Variants in ABCA4 observed in about 807,000 individuals in gnomAD.
ABCA4 encodes ATP binding cassette subfamily A member 4.
Under a neutral mutation model 263.7 loss-of-function variants are expected in ABCA4, and 196 were observed. The observed-to-expected ratio is 0.74, with a 90% CI of 0.66 to 0.84. The LOEUF is 0.84. Among genes scored for constraint, ABCA4 ranks in the 40% least tolerant of loss-of-function variants. The probability of loss-of-function intolerance (pLI) is 0.00; values close to 1 mark genes in which losing one functional copy is unlikely to be tolerated. For synonymous variants in ABCA4, 1,133 were observed against 1,094.2 expected, an observed-to-expected ratio of 1.04 and a Z score of -0.70; for missense variants, 2,792 against 2,855.1, an observed-to-expected ratio of 0.98 and a Z score of 0.50.
Position 94,079,249 on chromosome 1 carries a change from TCACACACA to T in ABCA4, c.1239+65_1239+72del, listed in dbSNP as rs4147886. On this transcript the variant is annotated intron_variant, in intron 9 of 49. Transcript: ENST00000370225. ...GTGCTACCAGGAAGGCACATCTCTC[TCACACACA>T]CACACACACACACACACTTCTGGGA... 5.6e-6 allele frequency: 8 copies of T among 1,429,410 alleles called. No individual in the cohort carries two copies. The Admixed American group carries it at 7.2e-5, about 13-fold the overall frequency. The allele number at this position is 1,429,410 out of a possible 1,614,324, so 88.5% of individuals were successfully genotyped here.
intron 17 of ABCA4, among the ~76,000 whole-genome samples, chr1:94,050,517 C>T (rs1442914398): frequency 6.6e-6 from 1 of 152,176 alleles, no homozygotes; most frequent in Non-Finnish European, 1.5e-5. Flanking sequence ...CTTCCGTTGG[C>T]AAACATATTT....
chr1:94,018,193 G>A (rs995395890), intron 36 of ABCA4, among the ~76,000 whole-genome samples: 10 of 149,796 alleles, frequency 6.7e-5, no homozygotes, highest in East Asian at 1.9e-4. Context: ...GCGCACACGC[G>A]CGTGCGTGCA....
intron 38 of ABCA4, among the ~76,000 whole-genome samples, chr1:94,013,609 G>C (rs1054204535): frequency 6.6e-6 from 1 of 152,174 alleles, no homozygotes; most frequent in Non-Finnish European, 1.5e-5. Context: ...TGGGAGTGTG[G>C]AGTGTGGAGT....
chr1:94,077,669 G>A lies in ABCA4; in HGVS notation c.1554+21C>T. ...TGGGGCTATCTTCAAGGGGCCCACT[G>A]TGGGGCTTGCAGCCCCTTACCTCCA... On this transcript the variant is annotated intron_variant, in intron 11 of 49. Transcript: ENST00000370225. The A allele has an allele frequency of 3.1e-6, 5 of 1,597,672 alleles. No individual in the cohort carries two copies. In the South Asian group the frequency reaches 3.4e-5, roughly 11 times the overall value.
chr1:94,094,875 A>G (rs1264126589), intron 6 of ABCA4, among the ~76,000 whole-genome samples: 2 of 152,170 alleles, frequency 1.3e-5, no homozygotes, highest in African/African-American at 4.8e-5. Context: ...GAGGTGCGAA[A>G]CATTTCAGGT....
Position 94,011,293 on chromosome 1 carries a change from G to C in ABCA4, c.5553C>G (p.Ser1851Arg). Reference protein sequence around the residue: ...LGRGLIDLALSQAVTDVYARF... With the variant: ...LGRGLIDLALRQAVTDVYARF... ...GGGCATAGACATCTGTCACAGCCTG[G>C]CTCAGTGCAAGGTCAATGAGGCCCC... Residue 1851 changes from serine (S) to arginine (R), a missense_variant, in exon 39 of 50, where the codon AGC becomes AGG. Coordinates refer to ENST00000370225, the MANE Select transcript of ABCA4 (RefSeq NM_000350.3). 6.2e-7 allele frequency: 1 copy of C among 1,614,072 alleles called. No homozygotes were observed. Among genetic ancestry groups the C allele is most frequent in the Non-Finnish European group, 8.5e-7 (1 of 1,179,994 alleles).
At position 94,098,796 on chromosome 1, in the gene ABCA4, C is replaced by T; in HGVS notation, c.766G>A (p.Val256Met). Reference protein sequence around the residue: ...ANVDFFKLFRVLPTLLDSRSQ... With the variant: ...ANVDFFKLFRMLPTLLDSRSQ... ...GAGCAGCCAAACCCCTCCCTTACCACACGGAAGAGCTTGAAGAAGTCCACG... is the reference window on the plus strand; with the variant it reads ...GAGCAGCCAAACCCCTCCCTTACCATACGGAAGAGCTTGAAGAAGTCCACG... The change falls in exon 6 of 50, where the codon GTG (valine) becomes ATG (methionine). Residue 256 changes from valine (V) to methionine (M), a missense_variant and splice_region_variant. Physicochemically the swap from Val to Met is conservative, Grantham distance 21 (BLOSUM62 1). Transcript: ENST00000370225. The T allele has an allele frequency of 2.5e-6, 4 of 1,614,202 alleles. No individual in the cohort carries two copies. Among genetic ancestry groups the T allele is most frequent in the Non-Finnish European group, 2.5e-6 (3 of 1,180,044 alleles).
chr1:94,045,895 A>T (rs1660658846), intron 19 of ABCA4: 1 of 456,066 alleles, frequency 2.2e-6, no homozygotes, highest in Admixed American at 2.3e-5. Flanking sequence ...TTGGGAAACC[A>T]TGGCGGGCCG....
At position 94,078,556 on chromosome 1, in the gene ABCA4, TCCCCTCCCCTCCCCATCCTCCAACC is replaced by T; in HGVS notation, c.1356+9_1356+33del. On this transcript the variant is annotated intron_variant, in intron 10 of 49. Coordinates refer to ENST00000370225, the MANE Select transcript of ABCA4 (RefSeq NM_000350.3). ...CTTTCTTGCCCCCACCGCTTCCTCC[TCCCCTCCCCTCCCCATCCTCCAACC>T]CCCCTTACTCTGATCATGTTCATCT... is the stretch of plus-strand genomic sequence containing the variant. 5.3e-6 allele frequency: 3 copies of T among 561,662 alleles called. No homozygotes were observed. Among genetic ancestry groups the T allele is most frequent in the African/African-American group, 2.4e-5 (1 of 42,246 alleles). The allele number at this position is 561,662 out of a possible 1,614,324, so 34.8% of individuals were successfully genotyped here. A position where few individuals can be genotyped will look rare whatever the true frequency, so the allele number is the denominator to read the frequency against.
In ABCA4 at chr1:94,046,455, C is replaced by CAAAAAAAAAAAAAAA. The variant is rs61333901; in HGVS notation, c.2918+449_2918+463dup. On this transcript the variant is annotated intron_variant, in intron 19 of 49. Transcript: ENST00000370225. ...CCAGCATGGGTAATGGTTACTATCT[C>CAAAAAAAAAAAAAAA]AAAAAAAAAAAAAAAAAAAAAGAAA... is the stretch of plus-strand genomic sequence containing the variant. Among the ~76,000 whole-genome samples the CAAAAAAAAAAAAAAA allele has an allele frequency of 2.1e-4, 9 of 42,244 alleles. No homozygotes were observed. In the East Asian group the frequency reaches 2.9e-3, roughly 13 times the overall value. The allele number at this position is 42,244 out of a possible 152,430, so 27.7% of individuals were successfully genotyped here. A position where few individuals can be genotyped will look rare whatever the true frequency, so the allele number is the denominator to read the frequency against.
chr1:94,062,505 C>A, intron 13 of ABCA4, 72 bp downstream of exon 13: 1 of 1,561,108 alleles, frequency 6.4e-7, no homozygotes, highest in Non-Finnish European at 8.8e-7. Context: ...GAGGGCACCC[C>A]CAGCCCACCC....
intron 4 of ABCA4, among the ~76,000 whole-genome samples, chr1:94,105,620 G>A (rs1481838396): frequency 6.6e-6 from 1 of 151,660 alleles, no homozygotes; most frequent in Non-Finnish European, 1.5e-5. Flanking sequence ...AGGCTTGGGG[G>A]TGGGGCTGCT....
chr1:94,120,895 A>AAAC, intron 1 of ABCA4, 85 bp downstream of exon 1: 1 of 152,642 alleles, frequency 6.6e-6, no homozygotes, highest in Non-Finnish European at 1.3e-5. Flanking sequence ...CTGCCCCACC[A>AAAC]CCCTACCCCA....
chr1:94,053,108 T>C (rs1159330405), intron 16 of ABCA4, among the ~76,000 whole-genome samples: 1 of 152,218 alleles, frequency 6.6e-6, no homozygotes, highest in African/African-American at 2.4e-5. Flanking sequence ...GGGAGAGTGG[T>C]GCGTCTAGAG....
chr1:94,000,889 G>A lies in ABCA4; in HGVS notation c.6426C>T (p.Ile2142=), dbSNP rs1184801813. Reference sequence around the variant, plus strand: ...TACATCGAAAGGCGCCCTTTACCATGATGGCCAGCCGGGTACACAGTGCCT... The same window carrying A: ...TACATCGAAAGGCGCCCTTTACCATAATGGCCAGCCGGGTACACAGTGCCT... ...ECEALCTRLA[I]MVKGAFRCMG... is the part of the protein sequence containing the mutation. The change falls in exon 47 of 50, where the codon ATC becomes ATT. Residue 2142 remains isoleucine (I), a synonymous_variant. Transcript: ENST00000370225. 1.9e-6 allele frequency: 3 copies of A among 1,614,108 alleles called. No homozygotes were observed. The highest frequency in any genetic ancestry group is 1.1e-5 in the South Asian group (1 of 91,090).
At chr1:94,106,212 G>A (rs946937750) in intron 4 of ABCA4, among the ~76,000 whole-genome samples, 2 of 152,186 alleles carry the variant, frequency 1.3e-5, no homozygotes, top group African/African-American at 4.8e-5. Context: ...CTCACAGCCC[G>A]AAGCCTGCAG....
At chr1:94,035,548 C>G (rs1284606828) in intron 26 of ABCA4, among the ~76,000 whole-genome samples, 2 of 152,078 alleles carry the variant, frequency 1.3e-5, no homozygotes, top group East Asian at 3.9e-4. Flanking sequence ...AAGATGAAAA[C>G]CAAGTTATCT....
chr1:94,110,269 T>G (rs2101159548), intron 3 of ABCA4, among the ~76,000 whole-genome samples: 1 of 152,306 alleles, frequency 6.6e-6, no homozygotes, highest in East Asian at 1.9e-4. Context: ...GGCTTACAGA[T>G]CATACAGTCT....
At chr1:94,011,202 G>A (rs774186697) in intron 39 of ABCA4, 60 bp downstream of exon 39, 14 of 1,612,376 alleles carry the variant, frequency 8.7e-6, no homozygotes, top group South Asian at 2.2e-5. Flanking sequence ...GAGCCCCCCC[G>A]GTAACCCTCC....
Sources: gnomAD v4.1 joint callset for allele counts (sites outside exome capture counted in the v4.1 genomes callset) on GRCh38, gnomAD v4.1.1 for gene constraint, MANE v1.5 for transcripts, NCBI Gene and HGNC (gene_info 2026-07-23, HGNC 2026-07-21) for gene names.